Variants in TMED8 observed in about 807,000 individuals in gnomAD.
The protein encoded by TMED8 is transmembrane p24 trafficking protein family member 8.
Under a neutral mutation model 32.7 loss-of-function variants are expected in TMED8, and 15 were observed. The ratio of observed to expected loss-of-function variants is 0.46; its 90% confidence interval spans 0.31 to 0.71. The LOEUF is 0.71. Ranked by LOEUF, TMED8 falls within the 30% of genes least tolerant of loss-of-function variation. The probability of loss-of-function intolerance (pLI) is 0.06; values close to 1 mark genes in which losing one functional copy is unlikely to be tolerated. For synonymous variants in TMED8, 147 were observed against 161.4 expected (o/e 0.91, Z 0.68); for missense variants, 390 against 423.9 (o/e 0.92, Z 0.70).
Position 77,344,703 on chromosome 14 carries a change from T to A in TMED8, c.328-880A>T, listed in dbSNP as rs549909355. ...CCTATTGCCCACAGGGGAGAGCACA[T>A]CAGTGAGTCAGCAATCCAGTTAAGA... On this transcript the variant is annotated intron_variant, in intron 3 of 5. Transcript: ENST00000216468. Among the ~76,000 whole-genome samples, 6 of 152,302 alleles carry A rather than the reference T, an allele frequency of 3.9e-5. No homozygotes were observed. The South Asian group carries it at 1.2e-3, about 32-fold the overall frequency.
At chr14:77,348,021 G>A (rs955862818) in intron 2 of TMED8, among the ~76,000 whole-genome samples, 1 of 152,054 alleles carries the variant, frequency 6.6e-6, no homozygotes, top group African/African-American at 2.4e-5. Context: ...ATGTGATACC[G>A]CAATAGAATG....
intron 1 of TMED8, among the ~76,000 whole-genome samples, chr14:77,361,864 A>G (rs1235792042): frequency 6.6e-6 from 1 of 152,160 alleles, no homozygotes; most frequent in Non-Finnish European, 1.5e-5. Context: ...ATCACAGCTC[A>G]CTGCAGCCTC....
chr14:77,363,907 C>A (rs975862949), intron 1 of TMED8, among the ~76,000 whole-genome samples: 3 of 152,072 alleles, frequency 2.0e-5, no homozygotes, highest in African/African-American at 7.2e-5. Flanking sequence ...TATTTCCAGT[C>A]TATTAATATT....
At chr14:77,347,876 A>C (rs1207482681) in intron 2 of TMED8, among the ~76,000 whole-genome samples, 2 of 152,210 alleles carry the variant, frequency 1.3e-5, no homozygotes, top group Admixed American at 1.3e-4. Flanking sequence ...GCAGTTATCC[A>C]AGTATGGTCT....
chr14:77,374,398 CCTT>C (rs1479995762), intron 1 of TMED8, among the ~76,000 whole-genome samples: 3 of 152,358 alleles, frequency 2.0e-5, no homozygotes, highest in African/African-American at 7.2e-5. Context: ...CCAGATACCT[CCTT>C]GTTATGGGGA....
Position 77,375,453 on chromosome 14 carries a change from A to G in TMED8, c.118+1483T>C, listed in dbSNP as rs145121225. On this transcript the variant is annotated intron_variant, in intron 1 of 5. Transcript: ENST00000216468. Reference sequence around the variant, plus strand: ...TTGTAAATACTGGCGCATGCAAGGGACAAGTGTTATAAGACTTACCTTTCT... The same window carrying G: ...TTGTAAATACTGGCGCATGCAAGGGGCAAGTGTTATAAGACTTACCTTTCT... Among the ~76,000 whole-genome samples, 11 of 152,352 alleles carry G rather than the reference A, an allele frequency of 7.2e-5. 1 individual carries two copies. Among genetic ancestry groups the G allele is most frequent in the African/African-American group, 2.6e-4 (11 of 41,582 alleles).
chr14:77,360,899 G>A (rs998988212), intron 1 of TMED8, among the ~76,000 whole-genome samples: 2 of 149,530 alleles, frequency 1.3e-5, no homozygotes, highest in Admixed American at 1.3e-4. Flanking sequence ...GACTACTGAT[G>A]TTGAACATCT....
In TMED8 at chr14:77,376,240, A is replaced by G. The variant is rs1893811608; in HGVS notation, c.118+696T>C. Among the ~76,000 whole-genome samples, 1 of 152,230 alleles carries G rather than the reference A, an allele frequency of 6.6e-6. No individual in the cohort carries two copies. On this transcript the variant is annotated intron_variant, in intron 1 of 5. Transcript: ENST00000216468. This position sits in a 1 kb window ranked among gnomAD's most constrained non-coding sequence, Gnocchi z 4.0. Reference sequence around the variant, plus strand: ...AGTAGAAATGGAGACGTCGTCCTGGACAAGAAGAGGATGAGGGTCTTGAGA... The same window carrying G: ...AGTAGAAATGGAGACGTCGTCCTGGGCAAGAAGAGGATGAGGGTCTTGAGA...
At chr14:77,350,598 G>T (rs1481687739) in intron 2 of TMED8, among the ~76,000 whole-genome samples, 1 of 152,126 alleles carries the variant, frequency 6.6e-6, no homozygotes, top group African/African-American at 2.4e-5. Flanking sequence ...ATCTAAAATT[G>T]TCTCTTTGTC....
chr14:77,358,181 T>TCACA lies in TMED8; in HGVS notation c.119-6434_119-6431dup, dbSNP rs75880149. On this transcript the variant is annotated intron_variant, in intron 1 of 5. Transcript: ENST00000216468. ...TAAAGACCACAATCAATGTAATATA[T>TCACA]CACACACACACACACACACACACGA... 1.8e-3 allele frequency among the ~76,000 whole-genome samples: 268 copies of TCACA among 145,406 alleles called. 1 individual carries two copies. The highest frequency in any genetic ancestry group is 6.2e-3 in the African/African-American group (241 of 39,114).
rs113709710 is a variant in TMED8 at position 77,376,314 on chromosome 14, T to C, written c.118+622A>G. On this transcript the variant is annotated intron_variant, in intron 1 of 5. Coordinates refer to ENST00000216468, the MANE Select transcript of TMED8 (RefSeq NM_213601.3). The surrounding 1 kb of genome is among the most constrained non-coding windows in gnomAD (Gnocchi z 4.0). Reference sequence around the variant, plus strand: ...TAATTCCTGCTCTTGCTTTGGCTACTGTGTTCAAGCAAAAGACCCCAGACA... The same window carrying C: ...TAATTCCTGCTCTTGCTTTGGCTACCGTGTTCAAGCAAAAGACCCCAGACA... Among the ~76,000 whole-genome samples the C allele has an allele frequency of 7.7e-3, 1,169 of 152,358 alleles. 22 individuals are homozygous for C. The highest frequency in any genetic ancestry group is 0.027 in the African/African-American group (1,106 of 41,584).
intron 2 of TMED8, among the ~76,000 whole-genome samples, chr14:77,351,095 C>T (rs1034023779): frequency 3.9e-5 from 6 of 152,158 alleles, no homozygotes; most frequent in African/African-American, 1.4e-4. Flanking sequence ...GTGCCGTTTC[C>T]ATTTCCAATA....
chr14:77,372,667 T>C (rs1039027607), intron 1 of TMED8, among the ~76,000 whole-genome samples: 4 of 151,842 alleles, frequency 2.6e-5, no homozygotes, highest in African/African-American at 7.3e-5. Context: ...TTAGACTGAA[T>C]CACGACATGA....
In TMED8 at chr14:77,340,352, T is replaced by C. The variant is rs1383218569; in HGVS notation, c.*1419A>G. 1.3e-5 allele frequency: 2 copies of C among 152,138 alleles called. No individual in the cohort carries two copies. The highest frequency in any genetic ancestry group is 1.9e-4 in the East Asian group (1 of 5,202). 9.4% of individuals were successfully genotyped at this position (152,138 alleles called of 1,614,324 possible). On this transcript the variant is annotated 3_prime_UTR_variant, in exon 6 of 6. Transcript: ENST00000216468. The stretch of plus-strand genomic sequence containing the variant: ...GATGGGAAGCCTTCTGAGAAACAGA[T>C]GGAAACTGTTTCAAAGGCAAAATGA...
chr14:77,372,906 T>TTATATATATA (rs1167584417), intron 1 of TMED8, among the ~76,000 whole-genome samples: 36 of 35,308 alleles, frequency 1.0e-3, no homozygotes, highest in East Asian at 1.4e-3. Flanking sequence ...GCCACAGATA[T>TTATATATATA]TATATATATA....
intron 1 of TMED8, among the ~76,000 whole-genome samples, chr14:77,371,941 T>C (rs376743422): frequency 1.3e-5 from 2 of 152,222 alleles, no homozygotes; most frequent in Non-Finnish European, 2.9e-5. Flanking sequence ...AAAATGGATA[T>C]ATCAAACTAG....
At chr14:77,360,342 T>TACCATCACCACC (rs1893405002) in intron 1 of TMED8, among the ~76,000 whole-genome samples, 1 of 152,100 alleles carries the variant, frequency 6.6e-6, no homozygotes, top group Non-Finnish European at 1.5e-5. Flanking sequence ...CCCTTTCCTC[T>TACCATCACCACC]ACCATCACCA....
chr14:77,342,958 A>T (rs1290510589), intron 5 of TMED8, among the ~76,000 whole-genome samples: 1 of 152,060 alleles, frequency 6.6e-6, no homozygotes, highest in Non-Finnish European at 1.5e-5. Flanking sequence ...TTGGGAAAAC[A>T]ATGAGGTACC....
chr14:77,364,889 C>A (rs1232135762), intron 1 of TMED8, among the ~76,000 whole-genome samples: 2 of 152,118 alleles, frequency 1.3e-5, no homozygotes, highest in Non-Finnish European at 2.9e-5. Flanking sequence ...TATAATCATT[C>A]CTTATAACTG....
Sources: gnomAD v4.1 joint callset for allele counts (sites outside exome capture counted in the v4.1 genomes callset) on GRCh38, gnomAD v4.1.1 for gene constraint, Gnocchi (gnomAD v3.1) non-coding constraint, MANE v1.5 for transcripts, NCBI Gene and HGNC (gene_info 2026-07-23, HGNC 2026-07-21) for gene names.